The following MPPE1 variants were observed in gnomAD, a reference collection of about 807,000 sequenced individuals.
The protein encoded by MPPE1 is metallo phosphoesterase.
In MPPE1, 28 loss-of-function variants were observed where a neutral mutation model predicts 43.8. The ratio of observed to expected loss-of-function variants is 0.64; its 90% CI spans 0.47 to 0.88. The LOEUF is 0.88. Ranked by LOEUF, MPPE1 falls within the 40% of genes least tolerant of loss-of-function variation. MPPE1 has a pLI of 0.00. For missense variants in MPPE1, 428 were observed against 492.2 expected (o/e 0.87, Z 1.23); for synonymous variants, 159 against 188.5 (o/e 0.84, Z 1.28).
At chr18:11,890,179 T>A (rs111810944) in intron 4 of MPPE1, among the ~76,000 whole-genome samples, 4,112 of 152,096 alleles carry the variant, frequency 0.027, 96 homozygotes, top group Middle Eastern at 0.099. Flanking sequence ...CCTGACCTCA[T>A]GATCCGCCCG....
intron 5 of MPPE1, 101 bp from the exon 6 acceptor site, chr18:11,888,844 G>T (rs34068887): frequency 1.6e-6 from 1 of 623,256 alleles, no homozygotes; most frequent in Non-Finnish European, 2.6e-6. Flanking sequence ...TTGAGTTTCA[G>T]ACTAGCATTA....
At position 11,886,915 on chromosome 18, in the gene MPPE1, A is replaced by G; in HGVS notation, c.678+2T>C. 1 of 1,609,854 alleles carries G rather than the reference A, an allele frequency of 6.2e-7. No individual in the cohort carries two copies. The highest frequency in any genetic ancestry group is 8.5e-7 in the Non-Finnish European group (1 of 1,177,192). ...ACCTGTGGCATTCAGATGCTCTCCT[A>G]CCTCTCGGGAGCAGTTCAGTCTGTG... On this transcript the variant is annotated splice_donor_variant, in intron 7 of 10. Transcript: ENST00000588072. LOFTEE classifies it high-confidence loss of function. This position sits in a 1 kb window ranked among gnomAD's most constrained non-coding sequence, Gnocchi z 4.1.
intron 3 of MPPE1, among the ~76,000 whole-genome samples, chr18:11,896,095 C>CTTT (rs1178920790): frequency 2.8e-3 from 225 of 80,446 alleles, no homozygotes; most frequent in Non-Finnish European, 3.7e-3. Context: ...ATTCTTTATT[C>CTTT]TTTTTTTTTT....
intron 10 of MPPE1, chr18:11,885,002 G>A: frequency 7.7e-7 from 1 of 1,300,998 alleles, no homozygotes; most frequent in Non-Finnish European, 1.0e-6. Context: ...AGGAGGGAAA[G>A]GTGTCTTCCT....
rs2036858866 is a variant in MPPE1, at chr18:11,884,346, G to C, written c.*99C>G. ...TGAGAATTTCTGTGCTGTGCAGAGA[G>C]ACGGCCTGTAATTGGTCTCATCATC... On this transcript the variant is annotated 3_prime_UTR_variant, in exon 11 of 11. Coordinates refer to ENST00000588072, the MANE Select transcript of MPPE1 (RefSeq NM_023075.6). The C allele has an allele frequency of 8.9e-7, 1 of 1,120,816 alleles. No homozygotes were observed. The highest frequency in any genetic ancestry group is 1.5e-5 in the African/African-American group (1 of 64,728). 69.4% of individuals were successfully genotyped at this position (1,120,816 alleles called of 1,614,324 possible).
At chr18:11,885,141 T>C (rs1356721844) in intron 10 of MPPE1, 1 of 982,108 alleles carries the variant, frequency 1.0e-6, no homozygotes, top group African/African-American at 1.7e-5. Context: ...ACTTTGAATT[T>C]GAAAATGTTA....
Position 11,886,379 on chromosome 18 carries a change from T to A in MPPE1, c.867+120A>T. ...CCTCCACCCCTGTCCCCCCAGGTGA[T>A]AACTAAGTCATGAACGTTTCAGCAA... is the stretch of plus-strand genomic sequence containing the variant. On this transcript the variant is annotated intron_variant, in intron 9 of 10. Coordinates refer to ENST00000588072, the MANE Select transcript of MPPE1 (RefSeq NM_023075.6). The surrounding 1 kb of genome is among the most constrained non-coding windows in gnomAD (Gnocchi z 4.1). The A allele has an allele frequency of 7.1e-7, 1 of 1,407,026 alleles. No homozygotes were observed. The highest frequency in any genetic ancestry group is 1.0e-6 in the Non-Finnish European group (1 of 1,004,788). The allele number at this position is 1,407,026 out of a possible 1,614,324, so 87.2% of individuals were successfully genotyped here. A position where few individuals can be genotyped will look rare whatever the true frequency, so the allele number is the denominator to read the frequency against.
chr18:11,896,545 C>A (rs2038636352), intron 3 of MPPE1, among the ~76,000 whole-genome samples: 1 of 152,196 alleles, frequency 6.6e-6, no homozygotes, highest in Non-Finnish European at 1.5e-5. Flanking sequence ...CTAGAGGAGG[C>A]TGAAACCCAA....
In MPPE1 at chr18:11,882,876, C is replaced by T. The variant is rs2036741288; in HGVS notation, c.*1569G>A. The T allele has an allele frequency of 6.6e-6, 1 of 152,054 alleles. No individual in the cohort carries two copies. Among genetic ancestry groups the T allele is most frequent in the South Asian group, 2.1e-4 (1 of 4,814 alleles). 9.4% of individuals were successfully genotyped at this position (152,054 alleles called of 1,614,324 possible). A position where few individuals can be genotyped will look rare whatever the true frequency, so the allele number is the denominator to read the frequency against. On this transcript the variant is annotated 3_prime_UTR_variant, in exon 11 of 11. Coordinates refer to ENST00000588072, the MANE Select transcript of MPPE1 (RefSeq NM_023075.6). ...TACAGCCTCAAACATTATGACACAC[C>T]AACAATATCTAGAAAGTAAGAACTG...
chr18:11,900,770 G>A (rs925415150), intron 2 of MPPE1, among the ~76,000 whole-genome samples: 1 of 151,990 alleles, frequency 6.6e-6, no homozygotes, highest in Non-Finnish European at 1.5e-5. Flanking sequence ...AGCCAGGCGT[G>A]GTGGCAGACG....
chr18:11,901,262 C>T (rs2849410), intron 2 of MPPE1, among the ~76,000 whole-genome samples: 41,824 of 151,488 alleles, frequency 0.28, 7,788 homozygotes, highest in African/African-American at 0.52. Context: ...CAGAGTTTCT[C>T]TCCCATCACC....
chr18:11,889,487 A>T lies in MPPE1; in HGVS notation c.394T>A (p.Trp132Arg). ...TGAAACCGCTCCACATCATCCGCCC[A>T]GGCCTGAGGGAAAAAGAATCACTGC... The part of the protein sequence containing the change: ...DEGKWSTPEA[W>R]ADDVERFQKM... The change falls in exon 5 of 11, where the codon TGG becomes AGG. Residue 132 changes from tryptophan (W) to arginine (R), a missense_variant. Physicochemically the swap from Trp to Arg is moderately radical, Grantham distance 101. Around this residue, in one of 3 missense-constraint regions of MPPE1, gnomAD observed 379 missense variants for 402.5 expected, o/e 0.94. Transcript: ENST00000588072. The T allele has an allele frequency of 6.2e-7, 1 of 1,610,964 alleles. No individual in the cohort carries two copies. Among genetic ancestry groups the T allele is most frequent in the Non-Finnish European group, 8.5e-7 (1 of 1,178,338 alleles).
At position 11,884,487 on chromosome 18, in the gene MPPE1, A is replaced by G; in HGVS notation, c.1149T>C (p.Phe383=). The part of the protein sequence containing the change: ...LTHFGLLASP[F]LSGLNLLGKR... ...TTCCGAGCAAGTTCAAACCAGAAAG[A>G]AAAGGTGAGGCTAGAAGCCCAAAGT... is the stretch of plus-strand genomic sequence containing the variant. Residue 383 remains phenylalanine (F), a synonymous_variant, in exon 11 of 11, where the codon TTT becomes TTC. Coordinates refer to ENST00000588072, the MANE Select transcript of MPPE1 (RefSeq NM_023075.6). 6.2e-7 allele frequency: 1 copy of G among 1,614,132 alleles called. No individual in the cohort carries two copies. Among genetic ancestry groups the G allele is most frequent in the Non-Finnish European group, 8.5e-7 (1 of 1,180,006 alleles).
At chr18:11,887,673 T>G (rs2037494786) in intron 6 of MPPE1, among the ~76,000 whole-genome samples, 1 of 152,204 alleles carries the variant, frequency 6.6e-6, no homozygotes, top group African/African-American at 2.4e-5. Flanking sequence ...ATCTCCTACA[T>G]GCATACCATC....
rs1245484801 is a variant in MPPE1, at chr18:11,893,515, AG to A, written c.342del (p.Phe115SerfsTer37). 1 of 1,614,066 alleles carries A rather than the reference AG, an allele frequency of 6.2e-7. No individual in the cohort carries two copies. The highest frequency in any genetic ancestry group is 8.5e-7 in the Non-Finnish European group (1 of 1,180,038). Reference protein sequence around the residue: ...TALWLLQPEVVFILGDIFDEG... With the variant: ...TALWLLQPEVXFILGDIFDEG... Reference sequence around the variant, plus strand: ...TCATCAAAGATATCCCCCAGGATGAAGACGACTTCCGGCTGCAGCAACCACA... The same window carrying A: ...TCATCAAAGATATCCCCCAGGATGAAACGACTTCCGGCTGCAGCAACCACA... On this transcript the variant is annotated frameshift_variant, in exon 4 of 11. Transcript: ENST00000588072. LOFTEE classifies it high-confidence loss of function.
At chr18:11,903,534 C>T (rs1221467592) in intron 2 of MPPE1, among the ~76,000 whole-genome samples, 2 of 152,044 alleles carry the variant, frequency 1.3e-5, no homozygotes, top group African/African-American at 2.4e-5. Context: ...TGGCTGGGCA[C>T]GGTGGCTCAC....
intron 4 of MPPE1, among the ~76,000 whole-genome samples, chr18:11,891,770 G>GT (rs921347999): frequency 1.3e-5 from 2 of 151,744 alleles, no homozygotes; most frequent in African/African-American, 2.4e-5. Flanking sequence ...TTGTTGTGGG[G>GT]TTTTTTTTGT....
intron 1 of MPPE1, among the ~76,000 whole-genome samples, chr18:11,907,376 C>CTGA (rs2039818153): frequency 6.6e-6 from 1 of 152,182 alleles, no homozygotes; most frequent in African/African-American, 2.4e-5. Context: ...ATGTATTTGA[C>CTGA]TGATGACTCA....
chr18:11,885,286 A>G (rs1454801744), intron 10 of MPPE1: 54 of 280,412 alleles, frequency 1.9e-4, no homozygotes, highest in African/African-American at 1.2e-3. Context: ...CAACCTGCAA[A>G]AGCTGCAGCG....
Sources: gnomAD v4.1 joint callset for allele counts (sites outside exome capture counted in the v4.1 genomes callset) on GRCh38, gnomAD v4.1.1 for gene constraint, gnomAD v4.1.1 regional missense constraint, Gnocchi (gnomAD v3.1) non-coding constraint, MANE v1.5 for transcripts, NCBI Gene and HGNC (gene_info 2026-07-23, HGNC 2026-07-21) for gene names.